LRP1B: variants seen among roughly 807,000 people sequenced by gnomAD.
LRP1B encodes the protein LDL receptor related protein 1B, also known as low-density lipoprotein receptor-related protein 1B.
Under a neutral mutation model 556.6 loss-of-function variants are expected in LRP1B, and 217 were observed. The observed-to-expected ratio is 0.39, with a 90% CI of 0.35 to 0.44. The LOEUF (loss-of-function observed/expected upper bound fraction) is 0.44, where lower values mean the gene tolerates loss of function less well. Ranked by LOEUF, LRP1B falls within the 20% of genes least tolerant of loss-of-function variation. The pLI, the probability that LRP1B is intolerant of heterozygous loss-of-function variation, is 1.00. For synonymous variants in LRP1B, 2,047 were observed against 1,865.8 expected (o/e 1.10, Z -2.50); for missense variants, 5,053 against 5,620.8 (o/e 0.90, Z 3.23).
intron 2 of LRP1B, among the ~76,000 whole-genome samples, chr2:141,787,214 ATGAC>A (rs1695456043): frequency 1.3e-5 from 2 of 151,934 alleles, no homozygotes; most frequent in African/African-American, 2.4e-5. Context: ...ATTTTCTTAC[ATGAC>A]CTATAAATTC....
At chr2:142,008,900 T>C (rs1702875228) in intron 1 of LRP1B, among the ~76,000 whole-genome samples, 1 of 152,138 alleles carries the variant, frequency 6.6e-6, no homozygotes, top group African/African-American at 2.4e-5. Flanking sequence ...GAATTCCACA[T>C]TCTAAATCTG....
chr2:140,409,899 A>G (rs927553685), intron 66 of LRP1B, among the ~76,000 whole-genome samples: 2 of 152,044 alleles, frequency 1.3e-5, no homozygotes, highest in Non-Finnish European at 2.9e-5. Context: ...TTCTTTTATC[A>G]TTTTACACTA....
intron 43 of LRP1B, among the ~76,000 whole-genome samples, chr2:140,547,694 G>A (rs936487502): frequency 6.6e-6 from 1 of 152,100 alleles, no homozygotes; most frequent in Admixed American, 6.6e-5. Context: ...TTATATGAGT[G>A]GAGGCACTGT....
chr2:141,175,584 G>A (rs1574155442), intron 7 of LRP1B, among the ~76,000 whole-genome samples: 1 of 152,170 alleles, frequency 6.6e-6, no homozygotes, highest in African/African-American at 2.4e-5. Context: ...GTGGATGTAT[G>A]AAAACGTTTG....
intron 35 of LRP1B, among the ~76,000 whole-genome samples, chr2:140,721,586 C>A (rs1194430728): frequency 1.5e-5 from 2 of 133,612 alleles, no homozygotes; most frequent in Admixed American, 7.9e-5. Flanking sequence ...TTCACTCTGT[C>A]GCCCAGCCTG....
chr2:142,066,532 A>G (rs1482220830), intron 1 of LRP1B, among the ~76,000 whole-genome samples: 1 of 151,464 alleles, frequency 6.6e-6, no homozygotes, highest in Non-Finnish European at 1.5e-5. Context: ...ATGATTCTTC[A>G]TTAGCAACAT....
At chr2:141,953,114 G>A (rs1259189910) in intron 1 of LRP1B, among the ~76,000 whole-genome samples, 3 of 152,006 alleles carry the variant, frequency 2.0e-5, no homozygotes, top group South Asian at 2.1e-4. Flanking sequence ...GACTGGGAGT[G>A]TGTGTCTGTG....
At chr2:140,521,718 A>T (rs368012020) in intron 49 of LRP1B, among the ~76,000 whole-genome samples, 2 of 152,050 alleles carry the variant, frequency 1.3e-5, no homozygotes, top group East Asian at 3.9e-4. Flanking sequence ...GCCTTAAAAG[A>T]CATACAGTTG....
rs777767778 is a variant in LRP1B, at chr2:140,769,364, T to C, written c.5627-20A>G. The stretch of plus-strand genomic sequence containing the variant: ...CTATACCTAAATGCAGGGCCGGAGA[T>C]AAGGGGGGGAAGGGAAGCCCAGAAT... On this transcript the variant is annotated intron_variant, in intron 34 of 90. Transcript: ENST00000389484. 1.3e-6 allele frequency: 2 copies of C among 1,582,640 alleles called. No individual in the cohort carries two copies. Among genetic ancestry groups the C allele is most frequent in the South Asian group, 2.3e-5 (2 of 85,244 alleles).
At chr2:140,240,370 AT>A (rs1380755847) in intron 87 of LRP1B, among the ~76,000 whole-genome samples, 3 of 150,752 alleles carry the variant, frequency 2.0e-5, no homozygotes, top group Non-Finnish European at 4.5e-5. Flanking sequence ...CTTTGTTTTT[AT>A]GCATCTGAGC....
chr2:141,963,043 C>T (rs2105058402), intron 1 of LRP1B, among the ~76,000 whole-genome samples: 2 of 151,672 alleles, frequency 1.3e-5, no homozygotes, highest in Admixed American at 1.3e-4. Flanking sequence ...TGATTTCAAG[C>T]CAAAGTGACA....
At chr2:141,678,033 T>C (rs893508096) in intron 2 of LRP1B, among the ~76,000 whole-genome samples, 5 of 152,180 alleles carry the variant, frequency 3.3e-5, no homozygotes, top group African/African-American at 1.2e-4. Context: ...GAGAAGATGG[T>C]ATCTGTGACC....
chr2:141,468,962 T>C (rs935470402), intron 3 of LRP1B, among the ~76,000 whole-genome samples: 1 of 152,144 alleles, frequency 6.6e-6, no homozygotes. Flanking sequence ...CGCTTCATGG[T>C]TTTTTACAAC....
chr2:141,493,154 C>A (rs912420992), intron 2 of LRP1B, among the ~76,000 whole-genome samples: 3 of 152,092 alleles, frequency 2.0e-5, no homozygotes, highest in Non-Finnish European at 2.9e-5. Flanking sequence ...AGGTTGAATA[C>A]TTTCTTCAAG....
At chr2:140,379,823 G>A (rs1683395820) in intron 67 of LRP1B, among the ~76,000 whole-genome samples, 2 of 152,122 alleles carry the variant, frequency 1.3e-5, no homozygotes, top group African/African-American at 4.8e-5. Context: ...GACCTTCACG[G>A]TATAAGACAA....
chr2:141,262,822 T>C (rs1684748600), intron 3 of LRP1B, among the ~76,000 whole-genome samples: 1 of 152,124 alleles, frequency 6.6e-6, no homozygotes, highest in Admixed American at 6.5e-5. Flanking sequence ...TCTTGAAATC[T>C]GGTAGCATAA....
At chr2:141,575,431 C>T (rs1003202139) in intron 2 of LRP1B, among the ~76,000 whole-genome samples, 7 of 152,146 alleles carry the variant, frequency 4.6e-5, no homozygotes, top group Admixed American at 2.6e-4. Flanking sequence ...CAACTGGACC[C>T]CTTCCTTACA....
rs370798368 is a variant in LRP1B at position 140,978,400 on chromosome 2, G to T, written c.2887+3760C>A. On this transcript the variant is annotated intron_variant, in intron 18 of 90. Transcript: ENST00000389484. ...AGTAGCCATAACCCTAACAGAGATTGTTCATGAAGCTGAAATGTAAAAACA... is the reference window on the plus strand; with the variant it reads ...AGTAGCCATAACCCTAACAGAGATTTTTCATGAAGCTGAAATGTAAAAACA... 3.9e-5 allele frequency among the ~76,000 whole-genome samples: 6 copies of T among 152,096 alleles called. No homozygotes were observed. The East Asian group carries it at 5.8e-4, about 15-fold the overall frequency.
In LRP1B at chr2:140,560,448, G is replaced by T. The variant is rs1362155521; in HGVS notation, c.7195-18477C>A. On this transcript the variant is annotated intron_variant, in intron 43 of 90. Coordinates refer to ENST00000389484, the MANE Select transcript of LRP1B (RefSeq NM_018557.3). ...TAACATTTGGGGAAGCTTGGTCAAG[G>T]TTCTATAGGAACTCTCTGTACTATT... 1.2e-4 allele frequency among the ~76,000 whole-genome samples: 18 copies of T among 152,064 alleles called. 1 individual carries two copies. Among genetic ancestry groups the T allele is most frequent in the Admixed American group, 1.2e-3 (18 of 15,244 alleles).
Sources: allele counts gnomAD v4.1 joint callset (sites outside exome capture counted in the v4.1 genomes callset), GRCh38; gene constraint gnomAD v4.1.1; transcripts MANE v1.5; gene names NCBI Gene and HGNC (gene_info 2026-07-23, HGNC 2026-07-21).